Variants in MAF observed in about 807,000 individuals in gnomAD.
MAF encodes the protein MAF bZIP transcription factor.
A neutral mutation model predicts 22.0 loss-of-function variants in MAF; 10 were observed. That is an observed-to-expected ratio of 0.45 (90% CI 0.28 to 0.77). MAF has a LOEUF of 0.77. Ranked by LOEUF, MAF falls within the 30% of genes least tolerant of loss-of-function variation. The probability of loss-of-function intolerance (pLI) is 0.12; values close to 1 mark genes in which losing one functional copy is unlikely to be tolerated. For missense variants in MAF, 544 were observed against 548.4 expected, an observed-to-expected ratio of 0.99 and a Z score of 0.08; for synonymous variants, 337 against 255.8, an observed-to-expected ratio of 1.32 and a Z score of -3.03.
the MAF span, among the ~76,000 whole-genome samples, chr16:79,407,113 C>G: frequency 6.6e-6 from 1 of 152,210 alleles, no homozygotes; most frequent in East Asian, 1.9e-4. Flanking sequence ...TCTGGCAGTG[C>G]TATCCTTCAT....
At chr16:79,343,821 G>C in the MAF span, among the ~76,000 whole-genome samples, 5 of 152,198 alleles carry the variant, frequency 3.3e-5, no homozygotes, top group East Asian at 9.7e-4. Flanking sequence ...TATTGACTTG[G>C]TCTTCCTACC....
the MAF span, among the ~76,000 whole-genome samples, chr16:79,325,558 G>GAC: frequency 6.7e-6 from 1 of 149,858 alleles, no homozygotes. Context: ...AAGGCACACA[G>GAC]ACACACACAC....
the MAF span, among the ~76,000 whole-genome samples, chr16:79,287,930 A>C: frequency 1.3e-5 from 2 of 152,180 alleles, no homozygotes; most frequent in Admixed American, 1.3e-4. Flanking sequence ...TCCTCATCGT[A>C]GCTCCGATTT....
the MAF span, among the ~76,000 whole-genome samples, chr16:79,216,713 G>C: frequency 6.6e-6 from 1 of 152,006 alleles, no homozygotes; most frequent in Non-Finnish European, 1.5e-5. Context: ...TATGGGTTTA[G>C]ACGGTAACCC....
the MAF span, among the ~76,000 whole-genome samples, chr16:79,495,303 A>T: frequency 1.9e-4 from 29 of 152,274 alleles, no homozygotes; most frequent in Middle Eastern, 6.8e-3. Context: ...CCCTAAAAAA[A>T]CATTTTTTTT....
the MAF span, among the ~76,000 whole-genome samples, chr16:79,515,102 A>G: frequency 2.6e-5 from 4 of 152,226 alleles, no homozygotes; most frequent in Admixed American, 2.6e-4. Flanking sequence ...ATCCAGGTGT[A>G]AGGATCAAAT....
At chr16:79,234,978 A>G in the MAF span, among the ~76,000 whole-genome samples, 1 of 152,276 alleles carries the variant, frequency 6.6e-6, no homozygotes, top group East Asian at 1.9e-4. Context: ...CACTGGTCCA[A>G]GGAAGACAGA....
the MAF span, among the ~76,000 whole-genome samples, chr16:79,423,345 G>A: frequency 6.6e-6 from 1 of 152,138 alleles, no homozygotes; most frequent in African/African-American, 2.4e-5. Flanking sequence ...GAGCAGCAAG[G>A]AGGCCAGCGT....
chr16:79,391,355 T>C, the MAF span, among the ~76,000 whole-genome samples: 20 of 152,184 alleles, frequency 1.3e-4, no homozygotes, highest in African/African-American at 4.6e-4. Flanking sequence ...GGGGCTTTTC[T>C]CTCTAGCTAT....
the MAF span, among the ~76,000 whole-genome samples, chr16:79,303,363 C>A: frequency 6.6e-6 from 1 of 152,198 alleles, no homozygotes. Flanking sequence ...CAGAGCCTGG[C>A]ATGGGATTGC....
chr16:79,304,107 C>G, the MAF span, among the ~76,000 whole-genome samples: 1 of 151,970 alleles, frequency 6.6e-6, no homozygotes, highest in South Asian at 2.1e-4. Flanking sequence ...AGATACTTGA[C>G]AAGGCTTGGC....
the MAF span, among the ~76,000 whole-genome samples, chr16:79,465,704 A>G: frequency 6.6e-6 from 1 of 152,208 alleles, no homozygotes; most frequent in African/African-American, 2.4e-5. Flanking sequence ...CACCTTCACC[A>G]TCATGAGCTT....
At chr16:79,468,018 A>G in the MAF span, among the ~76,000 whole-genome samples, 1 of 152,148 alleles carries the variant, frequency 6.6e-6, no homozygotes, top group Non-Finnish European at 1.5e-5. Context: ...TCAGACATCA[A>G]TCCAACAGAA....
chr16:79,262,482 G>C, the MAF span, among the ~76,000 whole-genome samples: 4 of 152,150 alleles, frequency 2.6e-5, no homozygotes, highest in African/African-American at 9.7e-5. Context: ...AATCTGTTAG[G>C]TCAAGGGCCT....
the MAF span, among the ~76,000 whole-genome samples, chr16:79,428,006 G>A: frequency 6.8e-6 from 1 of 147,572 alleles, no homozygotes; most frequent in Non-Finnish European, 1.5e-5. Context: ...TAGCTTTTCT[G>A]TTGTAAACCT....
At chr16:79,480,135 A>T in the MAF span, among the ~76,000 whole-genome samples, 1 of 152,106 alleles carries the variant, frequency 6.6e-6, no homozygotes, top group East Asian at 1.9e-4. Flanking sequence ...TCTGGCTGAG[A>T]TACCACCTCT....
At chr16:79,430,562 C>A in the MAF span, among the ~76,000 whole-genome samples, 11 of 152,202 alleles carry the variant, frequency 7.2e-5, no homozygotes, top group African/African-American at 2.7e-4. Flanking sequence ...CCCCTCTGCC[C>A]GGCACACGGC....
chr16:79,388,666 A>G, the MAF span, among the ~76,000 whole-genome samples: 3 of 152,250 alleles, frequency 2.0e-5, no homozygotes, highest in Admixed American at 2.0e-4. Flanking sequence ...TGTCATTTCA[A>G]AAATGACTGA....
chr16:79,351,382 TC>T, the MAF span, among the ~76,000 whole-genome samples: 277 of 152,298 alleles, frequency 1.8e-3, 1 homozygote, highest in Non-Finnish European at 2.4e-3. Flanking sequence ...AACGTGGTCC[TC>T]CCACCTCCTT....
Sources: gnomAD v4.1 joint callset for allele counts (sites outside exome capture counted in the v4.1 genomes callset) on GRCh38, gnomAD v4.1.1 for gene constraint, MANE v1.5 for transcripts, NCBI Gene and HGNC (gene_info 2026-07-23, HGNC 2026-07-21) for gene names.